The following ARHGEF7 variants were observed in gnomAD, a reference collection of about 807,000 sequenced individuals.
ARHGEF7 encodes PAK-interacting exchange factor beta.
A neutral mutation model predicts 109.8 loss-of-function variants in ARHGEF7; 33 were observed. That is an observed-to-expected ratio of 0.30 (90% confidence interval 0.23 to 0.40). ARHGEF7 has a LOEUF of 0.40. Among genes scored for constraint, ARHGEF7 ranks in the 10% least tolerant of loss-of-function variants. The pLI is 1.00. For synonymous variants in ARHGEF7, 458 were observed against 424.6 expected (o/e 1.08, Z -0.97); for missense variants, 938 against 1,098.5 (o/e 0.85, Z 2.07).
In ARHGEF7 at chr13:111,147,385, T is replaced by G. The variant is rs149406542; in HGVS notation, c.166-6520T>G. 9.7e-4 allele frequency among the ~76,000 whole-genome samples: 148 copies of G among 152,364 alleles called. 2 individuals carry two copies. In the East Asian group the frequency reaches 0.025, roughly 26 times the overall value. On this transcript the variant is annotated intron_variant, in intron 1 of 21. Coordinates refer to ENST00000646102, the MANE Select transcript of ARHGEF7 (RefSeq NM_001354046.2). ...TCAGCCCTTTCCATTTGATCCATTC[T>G]GGTGGGGTGCAGTGTTATCTGTGGT...
At chr13:111,223,352 G>T (rs193080309) in intron 5 of ARHGEF7, among the ~76,000 whole-genome samples, 1 of 152,102 alleles carries the variant, frequency 6.6e-6, no homozygotes, top group Non-Finnish European at 1.5e-5. Flanking sequence ...CATCATGTTA[G>T]GATCATTTCT....
intron 17 of ARHGEF7, among the ~76,000 whole-genome samples, chr13:111,286,633 C>G (rs7328930): frequency 0.89 from 136,005 of 152,134 alleles, 60,853 homozygotes; most frequent in Admixed American, 0.93. Context: ...CTGTGTTCTC[C>G]TGTGGGTAGC....
intron 5 of ARHGEF7, among the ~76,000 whole-genome samples, chr13:111,232,125 T>C (rs1292595699): frequency 6.6e-6 from 1 of 152,118 alleles, no homozygotes; most frequent in Admixed American, 6.5e-5. Context: ...CATGGAACTA[T>C]GATATACACA....
rs111652345 is a variant in ARHGEF7 at position 111,218,030 on chromosome 13, C to T, written c.670+150C>T. 6.6e-3 allele frequency: 4,967 copies of T among 757,076 alleles called. 26 individuals are homozygous for T. The highest frequency in any genetic ancestry group is 9.3e-3 in the South Asian group (331 of 35,770). The allele number at this position is 757,076 out of a possible 1,614,324, so 46.9% of individuals were successfully genotyped here. ...TTTGTTAGATGTAATGGATTTTCAC[C>T]TCAGCCCCACATTGGGGCCCTGGCA... On this transcript the variant is annotated intron_variant, in intron 5 of 21. Transcript: ENST00000646102.
intron 9 of ARHGEF7, among the ~76,000 whole-genome samples, chr13:111,268,197 A>G (rs1451510224): frequency 6.6e-6 from 1 of 152,176 alleles, no homozygotes; most frequent in Admixed American, 6.5e-5. Flanking sequence ...TTGGAGGAAG[A>G]TGTTTCTCAG....
chr13:111,205,613 C>T (rs2081732126), intron 3 of ARHGEF7, among the ~76,000 whole-genome samples: 1 of 152,154 alleles, frequency 6.6e-6, no homozygotes, highest in African/African-American at 2.4e-5. Context: ...AGAGATTTCT[C>T]ACCTGAACGT....
In ARHGEF7 at chr13:111,228,694, G is replaced by T. The variant is rs1300646364; in HGVS notation, c.671-4511G>T. On this transcript the variant is annotated intron_variant, in intron 5 of 21. Transcript: ENST00000646102. The surrounding 1 kb of genome is among the most constrained non-coding windows in gnomAD (Gnocchi z 4.6). The stretch of plus-strand genomic sequence containing the variant: ...AGGAGGGTGCATGTGGTTCAGGAAA[G>T]CGGCAGGCAGACACTGCTGAGCACG... Among the ~76,000 whole-genome samples the T allele has an allele frequency of 6.6e-6, 1 of 152,102 alleles. No individual in the cohort carries two copies. Among genetic ancestry groups the T allele is most frequent in the Non-Finnish European group, 1.5e-5 (1 of 68,016 alleles).
chr13:111,217,588 G>A (rs1378709166), intron 4 of ARHGEF7, 91 bp from the exon 5 acceptor site: 3 of 1,223,362 alleles, frequency 2.5e-6, no homozygotes, highest in Non-Finnish European at 3.5e-6. Context: ...GGGCAATTAT[G>A]CTACCTTTGT....
chr13:111,265,572 G>C (rs2091552418), intron 8 of ARHGEF7: 1 of 456,634 alleles, frequency 2.2e-6, no homozygotes, highest in Non-Finnish European at 4.4e-6. Context: ...GGAAGTCCGG[G>C]GTCTGAGGTC....
chr13:111,154,456 A>G (rs964458296), intron 2 of ARHGEF7, among the ~76,000 whole-genome samples: 4 of 152,128 alleles, frequency 2.6e-5, no homozygotes, highest in African/African-American at 9.7e-5. Flanking sequence ...AAAATGGGCC[A>G]GCCCTCCGCC....
intron 19 of ARHGEF7, among the ~76,000 whole-genome samples, 191 bp from the exon 20 acceptor site, chr13:111,300,557 G>T (rs993567515): frequency 6.6e-6 from 1 of 152,190 alleles, no homozygotes; most frequent in Non-Finnish European, 1.5e-5. Context: ...TCATGAGGAG[G>T]CCTGGGCTCG....
Position 111,163,774 on chromosome 13 carries a change from G to T in ARHGEF7, c.252+9783G>T, listed in dbSNP as rs541806414. Among the ~76,000 whole-genome samples the T allele has an allele frequency of 8.0e-4, 121 of 152,128 alleles. 1 individual carries two copies. Among genetic ancestry groups the T allele is most frequent in the African/African-American group, 2.8e-3 (116 of 41,490 alleles). On this transcript the variant is annotated intron_variant, in intron 2 of 21. Transcript: ENST00000646102. ...GATCTCTAACTCCTGGGCTCAAGCA[G>T]TCTTCCCACCTCAGCCTCCCAGAGT...
intron 1 of ARHGEF7, among the ~76,000 whole-genome samples, chr13:111,138,670 C>T (rs535164512): frequency 2.0e-5 from 3 of 152,234 alleles, no homozygotes; most frequent in South Asian, 2.1e-4. Context: ...ACCGTCCTTT[C>T]GGCAAAACCA....
At chr13:111,186,530 G>T (rs919277261) in intron 2 of ARHGEF7, among the ~76,000 whole-genome samples, 7 of 152,184 alleles carry the variant, frequency 4.6e-5, no homozygotes, top group Non-Finnish European at 7.3e-5. Flanking sequence ...CGTACTGCTG[G>T]ATTTCTGTTT....
intron 16 of ARHGEF7, among the ~76,000 whole-genome samples, chr13:111,284,628 AT>A (rs1048320270): frequency 6.6e-6 from 1 of 152,068 alleles, no homozygotes; most frequent in Non-Finnish European, 1.5e-5. Context: ...AAGATAAACA[AT>A]TTTTTTTGAT....
At position 111,280,526 on chromosome 13, in the gene ARHGEF7, T is replaced by C; in HGVS notation, c.1586-12T>C. 1 of 1,582,006 alleles carries C rather than the reference T, an allele frequency of 6.3e-7. No homozygotes were observed. The highest frequency in any genetic ancestry group is 8.6e-7 in the Non-Finnish European group (1 of 1,164,846). On this transcript the variant is annotated splice_polypyrimidine_tract_variant and intron_variant, in intron 14 of 21. Transcript: ENST00000646102. The stretch of plus-strand genomic sequence containing the variant: ...GTTTCCACTCGGCCTATTTTTTCCT[T>C]CTCTCCTATAGGGAGCATGATTGAG...
chr13:111,220,027 C>G (rs1325915480), intron 5 of ARHGEF7, among the ~76,000 whole-genome samples: 1 of 152,188 alleles, frequency 6.6e-6, no homozygotes, highest in Non-Finnish European at 1.5e-5. Flanking sequence ...TAGTCTGTGA[C>G]TCAGTTGGAT....
chr13:111,177,905 G>C lies in ARHGEF7; in HGVS notation c.252+23914G>C, dbSNP rs2153425125. ...AAAATGAAGCAGACAGTCATGACCA[G>C]TGAGTGGGAACAGTGAAGCTTGAAC... On this transcript the variant is annotated intron_variant, in intron 2 of 21. Transcript: ENST00000646102. Among the ~76,000 whole-genome samples the C allele has an allele frequency of 2.0e-5, 3 of 152,322 alleles. No homozygotes were observed. In the South Asian group the frequency reaches 6.2e-4, roughly 32 times the overall value.
At chr13:111,260,643 TAGTG>T (rs2090988567) in intron 8 of ARHGEF7, among the ~76,000 whole-genome samples, 1 of 152,198 alleles carries the variant, frequency 6.6e-6, no homozygotes, top group Non-Finnish European at 1.5e-5. Context: ...AAAATAATGT[TAGTG>T]AGCAATAAGA....
Sources: allele counts gnomAD v4.1 joint callset (sites outside exome capture counted in the v4.1 genomes callset), GRCh38; gene constraint gnomAD v4.1.1; non-coding constraint Gnocchi (gnomAD v3.1); transcripts MANE v1.5; gene names NCBI Gene and HGNC (gene_info 2026-07-23, HGNC 2026-07-21).